RBMS1: variants seen among roughly 807,000 people sequenced by gnomAD.
RBMS1 encodes RNA binding motif single stranded interacting protein 1, also known as RNA-binding motif, single-stranded-interacting protein 1.
A neutral mutation model predicts 62.3 loss-of-function variants in RBMS1; 17 were observed. The observed-to-expected ratio is 0.27, with a 90% CI of 0.19 to 0.41. The LOEUF (loss-of-function observed/expected upper bound fraction) is 0.41, where lower values mean the gene tolerates loss of function less well. Ranked by LOEUF, RBMS1 falls within the 10% of genes least tolerant of loss-of-function variation. RBMS1 has a pLI of 1.00. For missense variants in RBMS1, 334 were observed against 504.5 expected, an observed-to-expected ratio of 0.66 and a Z score of 3.24; for synonymous variants, 172 against 170.0, an observed-to-expected ratio of 1.01 and a Z score of -0.09.
chr2:160,329,381 T>A (rs1691129911), intron 2 of RBMS1, among the ~76,000 whole-genome samples: 1 of 152,102 alleles, frequency 6.6e-6, no homozygotes, highest in African/African-American at 2.4e-5. Context: ...CTTGTGACAA[T>A]GGTTACAGCT....
intron 1 of RBMS1, among the ~76,000 whole-genome samples, chr2:160,439,011 G>A (rs1023114447): frequency 6.7e-6 from 1 of 148,974 alleles, no homozygotes; most frequent in African/African-American, 2.5e-5. Context: ...CTGGCCAGGC[G>A]GGGGGCTGAC....
chr2:160,349,323 G>A (rs1692356900), intron 2 of RBMS1, among the ~76,000 whole-genome samples: 2 of 152,102 alleles, frequency 1.3e-5, no homozygotes, highest in South Asian at 4.1e-4. Context: ...CTTAATAGAT[G>A]TATTTATTCG....
rs372697966 is a variant in RBMS1, at chr2:160,436,192, G to A, written c.75+57097C>T. Among the ~76,000 whole-genome samples the A allele has an allele frequency of 1.9e-4, 29 of 152,290 alleles. No homozygotes were observed. The East Asian group carries it at 4.2e-3, about 22-fold the overall frequency. On this transcript the variant is annotated intron_variant, in intron 1 of 13. Transcript: ENST00000348849. ...CTACCTCGTCTCTGCTCGAATTTGG[G>A]CTGGCATGGTGAGTGGCTTTGACCA...
chr2:160,467,476 G>A (rs1684743827), intron 1 of RBMS1, among the ~76,000 whole-genome samples: 1 of 152,170 alleles, frequency 6.6e-6, no homozygotes, highest in Admixed American at 6.5e-5. Context: ...AAACGTCAGA[G>A]AGGTTTAGCA....
At chr2:160,479,641 T>C (rs1014098130) in intron 1 of RBMS1, among the ~76,000 whole-genome samples, 1 of 152,200 alleles carries the variant, frequency 6.6e-6, no homozygotes, top group Non-Finnish European at 1.5e-5. Flanking sequence ...CCTCCCCAGC[T>C]CTGGCCCTTC....
chr2:160,342,208 A>G (rs1196622803), intron 2 of RBMS1, among the ~76,000 whole-genome samples: 1 of 152,216 alleles, frequency 6.6e-6, no homozygotes, highest in African/African-American at 2.4e-5. Context: ...AATTTTAAAC[A>G]TAAATAATCT....
intron 4 of RBMS1, among the ~76,000 whole-genome samples, chr2:160,312,306 A>G (rs965269257): frequency 6.6e-6 from 1 of 152,180 alleles, no homozygotes; most frequent in Non-Finnish European, 1.5e-5. Flanking sequence ...GATCAACTCC[A>G]TTTACATCCA....
At chr2:160,308,793 T>G (rs1689691725) in intron 4 of RBMS1, among the ~76,000 whole-genome samples, 1 of 152,116 alleles carries the variant, frequency 6.6e-6, no homozygotes, top group African/African-American at 2.4e-5. Context: ...ATTTTCAACC[T>G]GGGGGAAAGC....
chr2:160,403,201 C>CAGAG (rs1695524955), intron 1 of RBMS1, among the ~76,000 whole-genome samples: 2 of 152,176 alleles, frequency 1.3e-5, no homozygotes, highest in South Asian at 4.1e-4. Context: ...CACAAATACA[C>CAGAG]AGAGATAACA....
In RBMS1 at chr2:160,368,185, CAT is replaced by C. The variant is rs1046601914; in HGVS notation, c.76-796_76-795del. 3.5e-4 allele frequency among the ~76,000 whole-genome samples: 54 copies of C among 152,322 alleles called. 1 individual carries two copies. The highest frequency in any genetic ancestry group is 1.1e-3 in the African/African-American group (47 of 41,560). On this transcript the variant is annotated intron_variant, in intron 1 of 13. Coordinates refer to ENST00000348849, the MANE Select transcript of RBMS1 (RefSeq NM_016836.4). ...CAGTTCTCTGACCCAGTGCCACACACATGACTTTGAGGAAGTTAAATGGCTCA... is the reference window on the plus strand; with the variant it reads ...CAGTTCTCTGACCCAGTGCCACACACGACTTTGAGGAAGTTAAATGGCTCA...
chr2:160,353,546 T>C (rs1284054459), intron 2 of RBMS1, among the ~76,000 whole-genome samples: 1 of 152,132 alleles, frequency 6.6e-6, no homozygotes, highest in Non-Finnish European at 1.5e-5. Flanking sequence ...ACCTGCCCAG[T>C]GGAGAGGACA....
At chr2:160,482,010 C>T (rs747234382) in intron 1 of RBMS1, among the ~76,000 whole-genome samples, 13 of 152,076 alleles carry the variant, frequency 8.5e-5, no homozygotes, top group Non-Finnish European at 1.8e-4. Flanking sequence ...ATGAACAAGA[C>T]AATTACAGTA....
intron 6 of RBMS1, among the ~76,000 whole-genome samples, chr2:160,296,466 A>C (rs940774434): frequency 6.6e-6 from 1 of 152,216 alleles, no homozygotes; most frequent in Admixed American, 6.5e-5. Flanking sequence ...AGAAAATTAA[A>C]GTGAATTTCT....
In RBMS1 at chr2:160,273,299, C is replaced by T. The variant is rs902979532; in HGVS notation, c.*1473G>A. The T allele has an allele frequency of 6.6e-6, 1 of 152,022 alleles. No homozygotes were observed. The highest frequency in any genetic ancestry group is 2.4e-5 in the African/African-American group (1 of 41,390). 9.4% of individuals were successfully genotyped at this position (152,022 alleles called of 1,614,324 possible). ...TTCATGCTTTTTTGTTTGTGTGTGT[C>T]CATACATCAATTAAAATTATAAAAC... On this transcript the variant is annotated 3_prime_UTR_variant, in exon 14 of 14. Transcript: ENST00000348849.
chr2:160,440,904 C>A (rs1262770004), intron 1 of RBMS1, among the ~76,000 whole-genome samples: 3 of 152,184 alleles, frequency 2.0e-5, no homozygotes, highest in Admixed American at 1.3e-4. Flanking sequence ...ATATAATTAA[C>A]AGAATAAAAT....
intron 2 of RBMS1, among the ~76,000 whole-genome samples, chr2:160,345,289 G>C (rs1040578165): frequency 1.3e-5 from 2 of 152,072 alleles, no homozygotes; most frequent in Non-Finnish European, 2.9e-5. Flanking sequence ...ATAGAGAGCA[G>C]CTGAAAATAA....
At chr2:160,433,454 A>C (rs978848003) in intron 1 of RBMS1, among the ~76,000 whole-genome samples, 7 of 152,328 alleles carry the variant, frequency 4.6e-5, no homozygotes, top group African/African-American at 1.7e-4. Context: ...CTTTAAAACA[A>C]GTTTGTTCAC....
chr2:160,415,445 T>C (rs1407455637), intron 1 of RBMS1, among the ~76,000 whole-genome samples: 2 of 152,096 alleles, frequency 1.3e-5, no homozygotes, highest in African/African-American at 4.8e-5. Context: ...ACATCCACTC[T>C]TGCTACTAGG....
intron 2 of RBMS1, among the ~76,000 whole-genome samples, chr2:160,322,526 T>G (rs988038588): frequency 2.6e-5 from 4 of 152,246 alleles, no homozygotes; most frequent in Non-Finnish European, 4.4e-5. Context: ...TTGCAAGTTG[T>G]GGAGTAAGAC....
Sources: allele counts gnomAD v4.1 joint callset (sites outside exome capture counted in the v4.1 genomes callset), GRCh38; gene constraint gnomAD v4.1.1; transcripts MANE v1.5; gene names NCBI Gene and HGNC (gene_info 2026-07-23, HGNC 2026-07-21).